SLC5A10: variants seen among roughly 807,000 people sequenced by gnomAD.
The protein encoded by SLC5A10 is solute carrier family 5 member 10.
In SLC5A10, 55 loss-of-function variants were observed where a neutral mutation model predicts 68.9. The observed-to-expected ratio is 0.80, with a 90% CI of 0.64 to 1.00. SLC5A10 has a LOEUF of 1.00. Among genes scored for constraint, SLC5A10 ranks in the 50% least tolerant of loss-of-function variants. The pLI is 0.00. For missense variants in SLC5A10, 732 were observed against 819.3 expected (o/e 0.89, Z 1.30); for synonymous variants, 344 against 344.8 (o/e 1.00, Z 0.02).
chr17:18,964,778 T>TG (rs1205756705), intron 5 of SLC5A10, among the ~76,000 whole-genome samples: 2 of 152,010 alleles, frequency 1.3e-5, no homozygotes, highest in Non-Finnish European at 2.9e-5. Flanking sequence ...GGAGAGGCAG[T>TG]GGGGACCACG....
At chr17:18,953,058 T>C (rs554301372) in intron 1 of SLC5A10, among the ~76,000 whole-genome samples, 1 of 151,802 alleles carries the variant, frequency 6.6e-6, no homozygotes, top group African/African-American at 2.4e-5. Context: ...CTCCACTTCT[T>C]AAGCCCCAGA....
chr17:19,020,148 C>G lies in SLC5A10; in HGVS notation c.1627-7C>G. 1 of 1,252,718 alleles carries G rather than the reference C, an allele frequency of 8.0e-7. No individual in the cohort carries two copies. Among genetic ancestry groups the G allele is most frequent in the Non-Finnish European group, 1.1e-6 (1 of 932,314 alleles). The allele number at this position is 1,252,718 out of a possible 1,614,324, so 77.6% of individuals were successfully genotyped here. On this transcript the variant is annotated splice_polypyrimidine_tract_variant and splice_region_variant and intron_variant, in intron 13 of 14. Coordinates refer to ENST00000395645, the MANE Select transcript of SLC5A10 (RefSeq NM_001042450.4). The stretch of plus-strand genomic sequence containing the variant: ...CCCCCAACCCTATCCTCACTCATTT[C>G]TTACAGATTGAGAACCTTACCTGGT...
intron 5 of SLC5A10, among the ~76,000 whole-genome samples, chr17:18,963,692 T>C (rs1397296602): frequency 6.6e-6 from 1 of 152,224 alleles, no homozygotes; most frequent in African/African-American, 2.4e-5. Context: ...GACAGAGATC[T>C]TAGGGTGCCT....
At chr17:19,015,488 C>T (rs1286707683) in intron 11 of SLC5A10, among the ~76,000 whole-genome samples, 5 of 152,162 alleles carry the variant, frequency 3.3e-5, no homozygotes, top group Non-Finnish European at 7.4e-5. Context: ...TCTATCTCCC[C>T]GAAAACCTGG....
intron 9 of SLC5A10, chr17:18,988,364 G>A (rs772916814): frequency 6.2e-7 from 1 of 1,614,232 alleles, no homozygotes; most frequent in Non-Finnish European, 8.5e-7. Flanking sequence ...CGTCCAGCAG[G>A]TCCTTGAAGA....
chr17:18,950,778 C>A, upstream of SLC5A10: 1 of 798,842 alleles, frequency 1.3e-6, no homozygotes, highest in Non-Finnish European at 1.5e-6. Flanking sequence ...TGCAATGGCG[C>A]AGTCTTGGCT....
At chr17:19,014,930 T>C in intron 10 of SLC5A10, 119 bp from the exon 11 acceptor site, 1 of 1,256,622 alleles carries the variant, frequency 8.0e-7, no homozygotes, top group Non-Finnish European at 1.1e-6. Context: ...CTCCCCGCCC[T>C]CTGCCTTGGA....
At chr17:18,961,262 C>G (rs536788024) in intron 5 of SLC5A10, among the ~76,000 whole-genome samples, 12 of 152,166 alleles carry the variant, frequency 7.9e-5, no homozygotes, top group African/African-American at 2.9e-4. Flanking sequence ...CTCCCGGTGA[C>G]CTCATGGCAA....
At position 19,015,169 on chromosome 17, in the gene SLC5A10, CCGGCGAGCG is replaced by C; in HGVS notation, c.1212_1220del (p.Gly405_Arg407del). ...ATCTGGAGGCGGCTGCGTCCCCGCT[CCGGCGAGCG>C]GGAGCTCCTGCTGGTGGGACGGTAC... On this transcript the variant is annotated inframe_deletion, in exon 11 of 15. Transcript: ENST00000395645. 1 of 1,367,856 alleles carries C rather than the reference CCGGCGAGCG, an allele frequency of 7.3e-7. No homozygotes were observed. The highest frequency in any genetic ancestry group is 9.9e-7 in the Non-Finnish European group (1 of 1,006,556). The allele number at this position is 1,367,856 out of a possible 1,614,324, so 84.7% of individuals were successfully genotyped here. A position where few individuals can be genotyped will look rare whatever the true frequency, so the allele number is the denominator to read the frequency against.
rs997422800 is a variant in SLC5A10, at chr17:18,981,148, C to T, written c.982+4159C>T. ...GTGAAGGGGAGGCTGAGGGGGTAAA[C>T]GAAAACAAGCTGAATGCCCAGGATC... On this transcript the variant is annotated intron_variant, in intron 9 of 14. Coordinates refer to ENST00000395645, the MANE Select transcript of SLC5A10 (RefSeq NM_001042450.4). 7.2e-5 allele frequency among the ~76,000 whole-genome samples: 11 copies of T among 152,222 alleles called. No homozygotes were observed. The South Asian group carries it at 2.1e-3, about 29-fold the overall frequency.
chr17:18,965,563 C>A (rs562747712), intron 5 of SLC5A10, among the ~76,000 whole-genome samples: 1 of 152,290 alleles, frequency 6.6e-6, no homozygotes, highest in African/African-American at 2.4e-5. Flanking sequence ...TGGTTTCCAT[C>A]GGCTGGGAGA....
chr17:19,007,193 ATTTTTTT>A (rs36006919), intron 9 of SLC5A10, among the ~76,000 whole-genome samples: 2 of 133,684 alleles, frequency 1.5e-5, no homozygotes, highest in Admixed American at 7.6e-5. Flanking sequence ...TGTTACCGCT[ATTTTTTT>A]TTTTTTTTTT....
At chr17:18,965,802 T>A (rs2042698028) in intron 5 of SLC5A10, among the ~76,000 whole-genome samples, 1 of 152,122 alleles carries the variant, frequency 6.6e-6, no homozygotes, top group African/African-American at 2.4e-5. Context: ...TCCCCTGCCA[T>A]GAGTTTCCTC....
intron 11 of SLC5A10, chr17:19,019,149 C>T: frequency 2.3e-6 from 1 of 432,238 alleles, no homozygotes. Context: ...GGCGGAGCTC[C>T]AAGGGCTGGC....
chr17:19,014,204 C>T (rs2044081827), intron 10 of SLC5A10, among the ~76,000 whole-genome samples: 1 of 152,150 alleles, frequency 6.6e-6, no homozygotes, highest in Non-Finnish European at 1.5e-5. Flanking sequence ...CTTAAAATTG[C>T]AGGAGTTCTT....
rs2152144515 is a variant in SLC5A10, at chr17:19,004,801, C to G, written c.983-8609C>G. The G allele has an allele frequency of 6.6e-6, 1 of 151,168 alleles. No homozygotes were observed. The highest frequency in any genetic ancestry group is 1.5e-5 in the Non-Finnish European group (1 of 67,646). 9.4% of individuals were successfully genotyped at this position (151,168 alleles called of 1,614,324 possible). ...GCGCGCCGGTGACTCAGGGCCGCCCCGCTTACCCCGCCGCCGCCACCTGCG... is the reference window on the plus strand; with the variant it reads ...GCGCGCCGGTGACTCAGGGCCGCCCGGCTTACCCCGCCGCCGCCACCTGCG... On this transcript the variant is annotated intron_variant, in intron 9 of 14. Transcript: ENST00000395645. The surrounding 1 kb of genome is among the most constrained non-coding windows in gnomAD (Gnocchi z 5.4).
intron 8 of SLC5A10, chr17:18,976,335 C>T (rs2042980225): frequency 6.5e-6 from 1 of 152,914 alleles, no homozygotes; most frequent in Non-Finnish European, 1.5e-5. Context: ...CCCAGAAGGG[C>T]CGGTGTCCTC....
intron 9 of SLC5A10, among the ~76,000 whole-genome samples, chr17:19,005,334 C>A (rs1218760913): frequency 1.3e-5 from 2 of 152,210 alleles, no homozygotes; most frequent in Non-Finnish European, 2.9e-5. Flanking sequence ...CAGGGAGGGG[C>A]CAAGAGGGCC....
rs186697015 is a variant in SLC5A10, at chr17:18,977,959, C to T, written c.982+970C>T. The T allele has an allele frequency of 9.1e-5, 146 of 1,599,598 alleles. No homozygotes were observed. In the East Asian group the frequency reaches 2.8e-3, roughly 30 times the overall value. On this transcript the variant is annotated intron_variant, in intron 9 of 14. Coordinates refer to ENST00000395645, the MANE Select transcript of SLC5A10 (RefSeq NM_001042450.4). ...CATCCAGCCCATTGGGGAGCCCCACCCCGAGGCTCTCGGGGTCATCCTGGG... is the reference window on the plus strand; with the variant it reads ...CATCCAGCCCATTGGGGAGCCCCACTCCGAGGCTCTCGGGGTCATCCTGGG...
Sources: allele counts gnomAD v4.1 joint callset (sites outside exome capture counted in the v4.1 genomes callset), GRCh38; gene constraint gnomAD v4.1.1; non-coding constraint Gnocchi (gnomAD v3.1); transcripts MANE v1.5; gene names NCBI Gene and HGNC (gene_info 2026-07-23, HGNC 2026-07-21).